SENP5: variants seen among roughly 807,000 people sequenced by gnomAD.
The protein encoded by SENP5 is SUMO specific peptidase 5, also known as sentrin-specific protease 5.
A neutral mutation model predicts 74.2 loss-of-function variants in SENP5; 21 were observed. The ratio of observed to expected loss-of-function variants is 0.28; its 90% CI spans 0.20 to 0.41. SENP5 has a LOEUF of 0.41. Ranked by LOEUF, SENP5 falls within the 10% of genes least tolerant of loss-of-function variation. SENP5 has a pLI of 1.00. For missense variants in SENP5, 717 were observed against 889.1 expected, an observed-to-expected ratio of 0.81 and a Z score of 2.46; for synonymous variants, 311 against 312.7, an observed-to-expected ratio of 0.99 and a Z score of 0.06.
chr3:196,905,402 T>G (rs1199003664), intron 6 of SENP5, among the ~76,000 whole-genome samples: 3 of 152,170 alleles, frequency 2.0e-5, no homozygotes, highest in Non-Finnish European at 4.4e-5. Flanking sequence ...TCCCATAGTT[T>G]GAGGGCTCAT....
intron 5 of SENP5, among the ~76,000 whole-genome samples, chr3:196,902,614 T>G (rs1053976080): frequency 6.6e-6 from 1 of 152,194 alleles, no homozygotes; most frequent in African/African-American, 2.4e-5. Flanking sequence ...ACACTACTGG[T>G]CAGGTGACCA....
Position 196,886,213 on chromosome 3 carries a change from C to T in SENP5, c.1032C>T (p.Phe344=), listed in dbSNP as rs1480733406. The T allele has an allele frequency of 6.2e-7, 1 of 1,614,056 alleles. No individual in the cohort carries two copies. The highest frequency in any genetic ancestry group is 1.3e-5 in the African/African-American group (1 of 74,938). ...AGGAGCTTAGTTTAGACGAAGCATTCCCTGACCAACAGAATGGCAGTGCCA... is the reference window on the plus strand; with the variant it reads ...AGGAGCTTAGTTTAGACGAAGCATTTCCTGACCAACAGAATGGCAGTGCCA... ...LGKELSLDEA[F]PDQQNGSATN... is the part of the protein sequence containing the mutation. Residue 344 remains phenylalanine, a synonymous_variant, in exon 2 of 10, where the codon TTC becomes TTT. Transcript: ENST00000323460.
intron 2 of SENP5, among the ~76,000 whole-genome samples, chr3:196,892,223 A>G (rs1315130370): frequency 6.6e-6 from 1 of 152,094 alleles, no homozygotes; most frequent in Non-Finnish European, 1.5e-5. Flanking sequence ...AGCTCACTGC[A>G]AACTCCGCCT....
chr3:196,913,066 A>T (rs887076068), intron 6 of SENP5: 1 of 152,330 alleles, frequency 6.6e-6, no homozygotes, highest in South Asian at 2.1e-4. Flanking sequence ...ACAGTTGCTA[A>T]ATATGTGTAA....
intron 1 of SENP5, among the ~76,000 whole-genome samples, chr3:196,870,663 G>A (rs1713174640): frequency 6.6e-6 from 1 of 151,744 alleles, no homozygotes; most frequent in South Asian, 2.1e-4. Flanking sequence ...GATTACAAGC[G>A]CCCACCACCA....
chr3:196,891,341 A>T (rs1714191816), intron 2 of SENP5, among the ~76,000 whole-genome samples: 1 of 152,050 alleles, frequency 6.6e-6, no homozygotes, highest in African/African-American at 2.4e-5. Context: ...TTGTGGGGTA[A>T]TGGAGGTGTT....
intron 8 of SENP5, chr3:196,929,379 G>A (rs1715939992): frequency 5.2e-6 from 2 of 381,682 alleles, no homozygotes; most frequent in Admixed American, 4.8e-5. Flanking sequence ...TTTTAAAACA[G>A]GTTTTTACAT....
At chr3:196,879,179 A>G (rs1414695549) in intron 1 of SENP5, among the ~76,000 whole-genome samples, 1 of 152,230 alleles carries the variant, frequency 6.6e-6, no homozygotes, top group Non-Finnish European at 1.5e-5. Flanking sequence ...GTATTACAGC[A>G]ACCAAGAATT....
At chr3:196,883,852 CTAA>C (rs1320519084) in intron 1 of SENP5, among the ~76,000 whole-genome samples, 1 of 152,116 alleles carries the variant, frequency 6.6e-6, no homozygotes, top group Non-Finnish European at 1.5e-5. Flanking sequence ...TCATGCCTGG[CTAA>C]TTATTTTTGT....
At chr3:196,902,002 G>A (rs1430385218) in intron 5 of SENP5, among the ~76,000 whole-genome samples, 3 of 152,162 alleles carry the variant, frequency 2.0e-5, no homozygotes, top group Non-Finnish European at 4.4e-5. Context: ...GGGGACCACC[G>A]ATTTGTGTTT....
intron 1 of SENP5, among the ~76,000 whole-genome samples, chr3:196,877,756 TC>T (rs1713544178): frequency 6.6e-6 from 1 of 152,226 alleles, no homozygotes; most frequent in African/African-American, 2.4e-5. Context: ...TGTTGTGCTC[TC>T]GTGAGTTCTC....
intron 2 of SENP5, among the ~76,000 whole-genome samples, chr3:196,899,398 C>T (rs1026416239): frequency 2.4e-5 from 2 of 83,220 alleles, no homozygotes; most frequent in African/African-American, 3.7e-5. Flanking sequence ...GCTATCCATT[C>T]CTTCTCTAAC....
Position 196,899,990 on chromosome 3 carries a change from CT to C in SENP5, c.1688del (p.Phe563SerfsTer21). Reference protein sequence around the residue: ...ARHQKCNFRIFYNKHMLDMDD... With the variant: ...ARHQKCNFRIXYNKHMLDMDD... Reference sequence around the variant, plus strand: ...GACATCAAAAATGTAACTTCCGTATCTTCTATAATAAACACATGCTGGATAT... The same window carrying C: ...GACATCAAAAATGTAACTTCCGTATCTCTATAATAAACACATGCTGGATAT... On this transcript the variant is annotated frameshift_variant, in exon 4 of 10. Coordinates refer to ENST00000323460, the MANE Select transcript of SENP5 (RefSeq NM_152699.5). LOFTEE classifies it high-confidence loss of function. The C allele has an allele frequency of 6.2e-7, 1 of 1,614,026 alleles. No homozygotes were observed. The highest frequency in any genetic ancestry group is 8.5e-7 in the Non-Finnish European group (1 of 1,179,998).
intron 6 of SENP5, chr3:196,914,602 T>A (rs1246016782): frequency 2.7e-5 from 3 of 110,802 alleles, no homozygotes; most frequent in Non-Finnish European, 3.7e-5. Flanking sequence ...TATATATATA[T>A]ATATATATAT....
At chr3:196,929,561 A>G (rs1715947913) in intron 8 of SENP5, 72 bp from the exon 9 acceptor site, 3 of 937,034 alleles carry the variant, frequency 3.2e-6, no homozygotes, top group East Asian at 5.0e-5. Context: ...GCATTTTTCC[A>G]TAAAGGAGTT....
chr3:196,914,582 AAAAAATAT>A (rs1421577815), intron 6 of SENP5: 3 of 65,928 alleles, frequency 4.6e-5, no homozygotes, highest in South Asian at 6.4e-4. Flanking sequence ...AAAAAAAAAA[AAAAAATAT>A]ATATATATAT....
Position 196,932,389 on chromosome 3 carries a change from T to C in SENP5, c.*1466T>C, listed in dbSNP as rs1039274693. 1 of 152,340 alleles carries C rather than the reference T, an allele frequency of 6.6e-6. No homozygotes were observed. Among genetic ancestry groups the C allele is most frequent in the African/African-American group, 2.4e-5 (1 of 41,408 alleles). The allele number at this position is 152,340 out of a possible 1,614,324, so 9.4% of individuals were successfully genotyped here. ...AGTTTCACTTGGCCCTGAGGTATGG[T>C]TGAGAAGGCTGACTGCCAGCAGTTG... On this transcript the variant is annotated 3_prime_UTR_variant, in exon 10 of 10. Coordinates refer to ENST00000323460, the MANE Select transcript of SENP5 (RefSeq NM_152699.5).
chr3:196,887,258 C>T (rs1204579606), intron 2 of SENP5, among the ~76,000 whole-genome samples: 4 of 152,082 alleles, frequency 2.6e-5, no homozygotes, highest in African/African-American at 9.7e-5. Flanking sequence ...TGGCTCACCA[C>T]AACCTCCACC....
chr3:196,922,809 T>TA (rs1452412483), intron 6 of SENP5, among the ~76,000 whole-genome samples: 2 of 152,050 alleles, frequency 1.3e-5, no homozygotes, highest in East Asian at 1.9e-4. Context: ...TTTTTGTAGA[T>TA]ACAGTGTTTC....
Sources: allele counts gnomAD v4.1 joint callset (sites outside exome capture counted in the v4.1 genomes callset), GRCh38; gene constraint gnomAD v4.1.1; transcripts MANE v1.5; gene names NCBI Gene and HGNC (gene_info 2026-07-23, HGNC 2026-07-21).